ANO4: variants seen among roughly 807,000 people sequenced by gnomAD.
ANO4 encodes anoctamin 4.
In ANO4, 69 loss-of-function variants were observed where a neutral mutation model predicts 141.9. The observed-to-expected ratio is 0.49, with a 90% CI of 0.40 to 0.59. The LOEUF (loss-of-function observed/expected upper bound fraction) is 0.59. Ranked by LOEUF, ANO4 falls within the 20% of genes least tolerant of loss-of-function variation. ANO4 has a pLI of 0.00. For synonymous variants in ANO4, 350 were observed against 394.3 expected (o/e 0.89, Z 1.33); for missense variants, 894 against 1,162.2 (o/e 0.77, Z 3.36).
At chr12:100,852,901 A>G (rs1288375120) in intron 1 of ANO4, among the ~76,000 whole-genome samples, 1 of 152,212 alleles carries the variant, frequency 6.6e-6, no homozygotes, top group African/African-American at 2.4e-5. Flanking sequence ...TAAATCGATA[A>G]CACTCAAAGT....
chr12:100,862,708 C>T (rs1348248366), intron 1 of ANO4, among the ~76,000 whole-genome samples: 2 of 152,186 alleles, frequency 1.3e-5, no homozygotes, highest in Admixed American at 6.6e-5. Context: ...GGTTTGTTCA[C>T]ATCAGTATCA....
At chr12:100,775,091 ATCT>A (rs1035744263) in intron 3 of ANO4, among the ~76,000 whole-genome samples, 3 of 152,202 alleles carry the variant, frequency 2.0e-5, no homozygotes, top group Non-Finnish European at 2.9e-5. Flanking sequence ...GCCTCCTTAA[ATCT>A]TCTCTCCCCA....
chr12:100,868,389 G>A (rs10437891), intron 1 of ANO4, among the ~76,000 whole-genome samples: 60,099 of 151,940 alleles, frequency 0.4, 12,107 homozygotes, highest in Admixed American at 0.47. Context: ...ATGCCAAGTA[G>A]CACCTTAGTA....
chr12:101,085,149 T>C (rs901885898), intron 16 of ANO4, among the ~76,000 whole-genome samples: 2 of 152,210 alleles, frequency 1.3e-5, no homozygotes, highest in African/African-American at 2.4e-5. Flanking sequence ...GGAATACTTT[T>C]GTGAAGAAAG....
intron 1 of ANO4, among the ~76,000 whole-genome samples, chr12:100,814,038 G>C (rs2035591846): frequency 6.6e-6 from 1 of 152,076 alleles, no homozygotes; most frequent in Non-Finnish European, 1.5e-5. Context: ...GCCTCTAGCT[G>C]TAACTCCCCT....
intron 7 of ANO4, among the ~76,000 whole-genome samples, chr12:100,977,339 A>G (rs1592902207): frequency 6.6e-6 from 1 of 151,992 alleles, no homozygotes; most frequent in African/African-American, 2.4e-5. Context: ...CATTTTCTCC[A>G]TTTATATTCT....
intron 5 of ANO4, among the ~76,000 whole-genome samples, chr12:100,966,775 C>CTA (rs139432531): frequency 2.6e-5 from 4 of 151,326 alleles, no homozygotes; most frequent in South Asian, 2.1e-4. Context: ...TGTGTTTATA[C>CTA]TATATATATA....
intron 1 of ANO4, among the ~76,000 whole-genome samples, chr12:100,733,064 C>T (rs964635300): frequency 1.3e-5 from 2 of 152,160 alleles, no homozygotes; most frequent in African/African-American, 4.8e-5. Flanking sequence ...GCAGCAGCCT[C>T]GCAAATAAGT....
intron 8 of ANO4, among the ~76,000 whole-genome samples, chr12:100,992,805 T>C (rs1370300042): frequency 1.3e-5 from 2 of 152,150 alleles, no homozygotes; most frequent in East Asian, 3.9e-4. Context: ...GGAGTGAGGA[T>C]TGAAGTCAGA....
intron 1 of ANO4, among the ~76,000 whole-genome samples, chr12:100,896,387 C>G (rs770531119): frequency 2.0e-5 from 3 of 151,532 alleles, no homozygotes; most frequent in Admixed American, 2.0e-4. Context: ...GCGAGGAACA[C>G]CAAGGAATGC....
At chr12:100,972,454 C>T (rs993197058) in intron 6 of ANO4, among the ~76,000 whole-genome samples, 10 of 152,100 alleles carry the variant, frequency 6.6e-5, no homozygotes, top group Non-Finnish European at 1.5e-5. Flanking sequence ...GCTATGATTT[C>T]TAGCATCTGT....
intron 2 of ANO4, among the ~76,000 whole-genome samples, chr12:100,739,574 AT>A (rs555185437): frequency 1.3e-5 from 2 of 152,014 alleles, no homozygotes; most frequent in South Asian, 4.2e-4. Context: ...GCCTTAAGTA[AT>A]TTTTTTTATT....
At chr12:100,799,657 C>G (rs2034560832) in intron 1 of ANO4, among the ~76,000 whole-genome samples, 1 of 152,178 alleles carries the variant, frequency 6.6e-6, no homozygotes, top group Non-Finnish European at 1.5e-5. Context: ...AAGAGAATCA[C>G]TTGAACCCAG....
intron 1 of ANO4, among the ~76,000 whole-genome samples, chr12:100,880,175 G>C (rs1005821319): frequency 6.6e-6 from 1 of 152,148 alleles, no homozygotes. Flanking sequence ...ATGATTCTGG[G>C]AGGTTATTAG....
At chr12:100,922,535 G>A (rs1240480587) in intron 3 of ANO4, among the ~76,000 whole-genome samples, 1 of 152,112 alleles carries the variant, frequency 6.6e-6, no homozygotes, top group African/African-American at 2.4e-5. Context: ...TCACATAATA[G>A]TGGAATTTTT....
chr12:101,075,901 A>T (rs1412402862), intron 14 of ANO4, among the ~76,000 whole-genome samples: 1 of 151,940 alleles, frequency 6.6e-6, no homozygotes, highest in Non-Finnish European at 1.5e-5. Flanking sequence ...ATAATGAGGG[A>T]TTGGAACTTT....
At chr12:100,727,993 A>C (rs1222844745) in intron 1 of ANO4, among the ~76,000 whole-genome samples, 1 of 152,220 alleles carries the variant, frequency 6.6e-6, no homozygotes, top group African/African-American at 2.4e-5. Flanking sequence ...CCTCCAAACA[A>C]TACTTTGAGC....
At chr12:100,719,465 ATCT>A (rs1324690406) in intron 1 of ANO4, among the ~76,000 whole-genome samples, 1 of 152,166 alleles carries the variant, frequency 6.6e-6, no homozygotes, top group Non-Finnish European at 1.5e-5. Flanking sequence ...CCCTCCGCAA[ATCT>A]TCTCTTTGAC....
chr12:100,862,203 TATAG>T (rs1391273179), intron 1 of ANO4, among the ~76,000 whole-genome samples: 4 of 152,180 alleles, frequency 2.6e-5, no homozygotes, highest in Admixed American at 6.5e-5. Flanking sequence ...CAGCTGGAAC[TATAG>T]GCATGTGCCA....
Sources: gnomAD v4.1 joint callset for allele counts (sites outside exome capture counted in the v4.1 genomes callset) on GRCh38, gnomAD v4.1.1 for gene constraint, MANE v1.5 for transcripts, NCBI Gene and HGNC (gene_info 2026-07-23, HGNC 2026-07-21) for gene names.